GRM8: variants seen among roughly 807,000 people sequenced by gnomAD.
GRM8 encodes the protein glutamate metabotropic receptor 8, also known as metabotropic glutamate receptor 8.
GRM8 carries 47 observed loss-of-function variants against 87.2 expected under a neutral mutation model. The observed-to-expected ratio is 0.54, with a 90% CI of 0.43 to 0.69. GRM8 has a LOEUF of 0.69. Among genes scored for constraint, GRM8 ranks in the 30% least tolerant of loss-of-function variants. The pLI, the probability that GRM8 is intolerant of heterozygous loss-of-function variation, is 0.00. For synonymous variants in GRM8, 396 were observed against 404.5 expected (o/e 0.98, Z 0.25); for missense variants, 1,019 against 1,139.2 (o/e 0.89, Z 1.52).
intron 9 of GRM8, among the ~76,000 whole-genome samples, chr7:126,513,423 T>C (rs917811627): frequency 3.3e-5 from 5 of 152,152 alleles, no homozygotes; most frequent in African/African-American, 9.6e-5. Context: ...ATAGCTTTCA[T>C]TTCCATCACT....
intron 3 of GRM8, among the ~76,000 whole-genome samples, chr7:126,969,167 T>C (rs760021076): frequency 5.3e-5 from 8 of 152,146 alleles, no homozygotes; most frequent in Non-Finnish European, 8.8e-5. Context: ...CTTGCCCCAA[T>C]GTTGATGGCT....
intron 8 of GRM8, among the ~76,000 whole-genome samples, chr7:126,549,132 G>A (rs1203169197): frequency 1.3e-5 from 2 of 151,922 alleles, no homozygotes; most frequent in Admixed American, 6.6e-5. Flanking sequence ...TACAGACATG[G>A]AAAATATAAT....
chr7:127,164,005 G>T (rs913021726), intron 2 of GRM8, among the ~76,000 whole-genome samples: 1 of 152,120 alleles, frequency 6.6e-6, no homozygotes, highest in Non-Finnish European at 1.5e-5. Context: ...AATGTTGGAA[G>T]TGAGGCCTGG....
intron 2 of GRM8, among the ~76,000 whole-genome samples, chr7:127,194,260 C>A: frequency 6.6e-6 from 1 of 152,214 alleles, no homozygotes; most frequent in East Asian, 1.9e-4. Context: ...TGGATAACTT[C>A]ATCAATCTCT....
At chr7:127,211,366 C>T (rs1320567097) in intron 2 of GRM8, among the ~76,000 whole-genome samples, 3 of 152,170 alleles carry the variant, frequency 2.0e-5, no homozygotes, top group Non-Finnish European at 2.9e-5. Context: ...AAGATGAAGG[C>T]GGGAACACTC....
At chr7:127,088,919 T>G (rs1823771652) in intron 3 of GRM8, among the ~76,000 whole-genome samples, 1 of 152,210 alleles carries the variant, frequency 6.6e-6, no homozygotes, top group African/African-American at 2.4e-5. Flanking sequence ...CTGTCACTTC[T>G]TGTACAGTGG....
intron 9 of GRM8, among the ~76,000 whole-genome samples, chr7:126,477,557 GTAAGAGAAAGAAAGAAAGAAAGAGAGAA>G (rs1806079352): frequency 2.5e-5 from 3 of 120,146 alleles, no homozygotes; most frequent in African/African-American, 9.6e-5. Context: ...AAAAGGAGAA[GTAAGAGAAAGAAAGAAAGAAAGAGAGAA>G]AGAAAGAAAG....
intron 6 of GRM8, among the ~76,000 whole-genome samples, chr7:126,827,399 G>A (rs182921421): frequency 1.1e-4 from 17 of 152,128 alleles, no homozygotes; most frequent in Non-Finnish European, 5.9e-5. Context: ...CTGAGCAGTG[G>A]TTTGTAGTTC....
At chr7:126,659,700 G>T (rs1291503728) in intron 7 of GRM8, among the ~76,000 whole-genome samples, 1 of 152,122 alleles carries the variant, frequency 6.6e-6, no homozygotes, top group African/African-American at 2.4e-5. Context: ...AAACATTAAA[G>T]ACTGCATTAA....
At chr7:127,083,239 A>G (rs1180054324) in intron 3 of GRM8, among the ~76,000 whole-genome samples, 1 of 152,116 alleles carries the variant, frequency 6.6e-6, no homozygotes, top group Non-Finnish European at 1.5e-5. Context: ...TAATATAATT[A>G]TTCACCTAGG....
chr7:127,141,993 T>C (rs1220389166), intron 2 of GRM8, among the ~76,000 whole-genome samples: 2 of 152,110 alleles, frequency 1.3e-5, no homozygotes, highest in Non-Finnish European at 2.9e-5. Flanking sequence ...GTTTTTGTTT[T>C]TTTTTAAGAG....
intron 3 of GRM8, among the ~76,000 whole-genome samples, chr7:127,051,351 A>G (rs972336306): frequency 8.5e-5 from 13 of 152,152 alleles, no homozygotes; most frequent in Non-Finnish European, 1.6e-4. Flanking sequence ...TGGCAAAAAA[A>G]AAACCTGCAC....
At chr7:127,059,628 G>A (rs975036928) in intron 3 of GRM8, among the ~76,000 whole-genome samples, 6 of 152,024 alleles carry the variant, frequency 3.9e-5, no homozygotes, top group South Asian at 2.1e-4. Context: ...GAGCCACCGC[G>A]CCCGGCCCAT....
At chr7:126,461,457 C>G (rs1452758954) in intron 9 of GRM8, among the ~76,000 whole-genome samples, 1 of 151,486 alleles carries the variant, frequency 6.6e-6, no homozygotes, top group African/African-American at 2.4e-5. Flanking sequence ...TTGTTTCCAC[C>G]CCAGACTTTC....
chr7:126,648,231 C>G (rs1297937624), intron 7 of GRM8, among the ~76,000 whole-genome samples: 1 of 152,140 alleles, frequency 6.6e-6, no homozygotes, highest in African/African-American at 2.4e-5. Context: ...TACACTCTCT[C>G]AAGCCATCCC....
chr7:126,896,395 G>A (rs577115835), intron 6 of GRM8, among the ~76,000 whole-genome samples: 14 of 152,060 alleles, frequency 9.2e-5, no homozygotes, highest in African/African-American at 3.4e-4. Context: ...AAATGGGGAT[G>A]GCAGAACGCA....
intron 7 of GRM8, among the ~76,000 whole-genome samples, chr7:126,655,471 TTC>T (rs150555462): frequency 2.7e-4 from 40 of 150,142 alleles, no homozygotes; most frequent in Non-Finnish European, 3.4e-4. Flanking sequence ...ATTATGGTCT[TTC>T]TCTCTCTCTC....
intron 2 of GRM8, among the ~76,000 whole-genome samples, chr7:127,230,732 G>T (rs963267307): frequency 6.6e-6 from 1 of 152,124 alleles, no homozygotes. Flanking sequence ...CAAGGAGACA[G>T]CATCTATAAA....
intron 2 of GRM8, among the ~76,000 whole-genome samples, chr7:127,147,067 A>G (rs1052522002): frequency 6.6e-6 from 1 of 152,050 alleles, no homozygotes; most frequent in African/African-American, 2.4e-5. Context: ...GTGTGCTATT[A>G]TTGCTATTGC....
Sources: gnomAD v4.1 joint callset for allele counts (sites outside exome capture counted in the v4.1 genomes callset) on GRCh38, gnomAD v4.1.1 for gene constraint, MANE v1.5 for transcripts, NCBI Gene and HGNC (gene_info 2026-07-23, HGNC 2026-07-21) for gene names.